ARHGAP26: variants seen among roughly 807,000 people sequenced by gnomAD.
The protein encoded by ARHGAP26 is Rho GTPase activating protein 26.
A neutral mutation model predicts 104.8 loss-of-function variants in ARHGAP26; 38 were observed. The ratio of observed to expected loss-of-function variants is 0.36; its 90% CI spans 0.28 to 0.48. The LOEUF is 0.48. ARHGAP26 is among the 20% of genes least tolerant of loss of function. ARHGAP26 has a pLI of 0.99. For missense variants in ARHGAP26, 704 were observed against 947.9 expected, an observed-to-expected ratio of 0.74 and a Z score of 3.38; for synonymous variants, 341 against 340.0, an observed-to-expected ratio of 1.00 and a Z score of -0.03.
At chr5:142,800,861 C>T (rs186155844) in intron 1 of ARHGAP26, among the ~76,000 whole-genome samples, 3 of 152,104 alleles carry the variant, frequency 2.0e-5, no homozygotes, top group Admixed American at 6.5e-5. Context: ...GGGAGGAAAG[C>T]GGAGGCCGTG....
At chr5:142,978,183 A>G (rs1416670292) in intron 11 of ARHGAP26, among the ~76,000 whole-genome samples, 1 of 152,116 alleles carries the variant, frequency 6.6e-6, no homozygotes, top group Non-Finnish European at 1.5e-5. Context: ...CTGTATTCAG[A>G]GGGGCTTAGG....
chr5:143,137,863 CA>C (rs995863420), intron 19 of ARHGAP26, among the ~76,000 whole-genome samples: 15 of 152,194 alleles, frequency 9.9e-5, no homozygotes, highest in African/African-American at 3.6e-4. Context: ...TTACTCTGTG[CA>C]AAAGTTGGAG....
chr5:142,918,638 T>G (rs1331003415), intron 10 of ARHGAP26, among the ~76,000 whole-genome samples: 3 of 152,154 alleles, frequency 2.0e-5, no homozygotes, highest in African/African-American at 4.8e-5. Context: ...GTGCCTTCCT[T>G]TTTTTCAGAA....
intron 17 of ARHGAP26, among the ~76,000 whole-genome samples, chr5:143,103,570 T>TA (rs60048104): frequency 1.3e-5 from 2 of 150,532 alleles, no homozygotes; most frequent in African/African-American, 4.9e-5. Flanking sequence ...TTAGACTGGA[T>TA]AAAAAAAAAA....
intron 22 of ARHGAP26, among the ~76,000 whole-genome samples, chr5:143,217,379 T>G (rs148105567): frequency 8.7e-4 from 132 of 152,286 alleles, no homozygotes; most frequent in African/African-American, 3.1e-3. Context: ...GCCAATCTAC[T>G]GGGAAACTGT....
chr5:143,005,253 C>G (rs945640698), intron 11 of ARHGAP26, among the ~76,000 whole-genome samples: 1 of 152,230 alleles, frequency 6.6e-6, no homozygotes, highest in African/African-American at 2.4e-5. Flanking sequence ...TCATTCATGG[C>G]CCTGCATTTC....
intron 5 of ARHGAP26, among the ~76,000 whole-genome samples, chr5:142,890,151 A>AAAAAAAAAAAAATATATATAT (rs1252590997): frequency 3.1e-5 from 1 of 32,430 alleles, no homozygotes; most frequent in Non-Finnish European, 5.5e-5. Flanking sequence ...AAAAAAAAAA[A>AAAAAAAAAAAAATATATATAT]ATATATATAT....
At chr5:143,081,404 G>T (rs764274255) in intron 17 of ARHGAP26, among the ~76,000 whole-genome samples, 1 of 152,190 alleles carries the variant, frequency 6.6e-6, no homozygotes, top group Non-Finnish European at 1.5e-5. Context: ...GACTAAGCAC[G>T]CTGTTTGGGG....
intron 13 of ARHGAP26, among the ~76,000 whole-genome samples, chr5:143,038,109 C>T (rs13182178): frequency 0.16 from 24,461 of 152,230 alleles, 5,421 homozygotes; most frequent in African/African-American, 0.5. Context: ...CATCTTTCCA[C>T]TGGATTTGAT....
chr5:143,222,327 T>C, intron 22 of ARHGAP26, 31 bp from the exon 23 acceptor site: 1 of 1,503,444 alleles, frequency 6.7e-7, no homozygotes, highest in Non-Finnish European at 9.0e-7. Flanking sequence ...TAATGCCATC[T>C]CTTCTCGCTT....
In ARHGAP26 at chr5:142,940,704, A is replaced by T. The variant is rs145790944; in HGVS notation, c.1107+8579A>T. Among the ~76,000 whole-genome samples, 211 of 152,188 alleles carry T rather than the reference A, an allele frequency of 1.4e-3. 5 individuals carry two copies. The East Asian group carries it at 0.034, about 25-fold the overall frequency. ...ATTTTCTTTATCCAGCCTGCTATTG[A>T]TGGGCATTTAGGTTGATTCCATGCC... is the stretch of plus-strand genomic sequence containing the variant. On this transcript the variant is annotated intron_variant, in intron 11 of 22. Transcript: ENST00000645722.
intron 1 of ARHGAP26, among the ~76,000 whole-genome samples, chr5:142,784,923 ATTTTTTTTTTTT>A (rs35315311): frequency 1.7e-5 from 2 of 118,128 alleles, no homozygotes; most frequent in Non-Finnish European, 3.4e-5. Flanking sequence ...CTTCCTTAGG[ATTTTTTTTTTTT>A]TTTTTTTTTG....
At chr5:143,024,314 T>C (rs1378731997) in intron 12 of ARHGAP26, among the ~76,000 whole-genome samples, 1 of 152,098 alleles carries the variant, frequency 6.6e-6, no homozygotes, top group Non-Finnish European at 1.5e-5. Flanking sequence ...TTGACAAATC[T>C]ACCCTCTCTC....
At chr5:142,943,760 C>T (rs1044311261) in intron 11 of ARHGAP26, among the ~76,000 whole-genome samples, 4 of 152,116 alleles carry the variant, frequency 2.6e-5, no homozygotes, top group Non-Finnish European at 4.4e-5. Context: ...GCATTTTTTG[C>T]AAGCCTCAGA....
At chr5:142,908,745 A>G (rs1314293287) in intron 9 of ARHGAP26, 1 of 167,156 alleles carries the variant, frequency 6.0e-6, no homozygotes, top group African/African-American at 2.4e-5. Context: ...CACGTGGCAT[A>G]GAAGGTGATA....
intron 18 of ARHGAP26, among the ~76,000 whole-genome samples, chr5:143,126,765 G>GCTA (rs1796773279): frequency 6.6e-6 from 1 of 152,136 alleles, no homozygotes; most frequent in African/African-American, 2.4e-5. Flanking sequence ...GCTCTTTTTA[G>GCTA]CTACAGTCAA....
At chr5:142,956,501 C>G (rs188952126) in intron 11 of ARHGAP26, among the ~76,000 whole-genome samples, 1 of 152,208 alleles carries the variant, frequency 6.6e-6, no homozygotes, top group East Asian at 1.9e-4. Context: ...TGCTTGAACC[C>G]AGGAGTTCGA....
At chr5:142,997,822 T>C (rs148529797) in intron 11 of ARHGAP26, among the ~76,000 whole-genome samples, 17 of 152,198 alleles carry the variant, frequency 1.1e-4, no homozygotes, top group African/African-American at 4.1e-4. Flanking sequence ...GTAATGCTGA[T>C]ATCGTGTCTA....
At chr5:143,163,754 G>A (rs958584452) in intron 20 of ARHGAP26, among the ~76,000 whole-genome samples, 3 of 152,044 alleles carry the variant, frequency 2.0e-5, no homozygotes, top group African/African-American at 7.2e-5. Flanking sequence ...CCTGGCCAGA[G>A]TTCTAGTTTT....
Sources: gnomAD v4.1 joint callset for allele counts (sites outside exome capture counted in the v4.1 genomes callset) on GRCh38, gnomAD v4.1.1 for gene constraint, MANE v1.5 for transcripts, NCBI Gene and HGNC (gene_info 2026-07-23, HGNC 2026-07-21) for gene names.